USP25: variants seen among roughly 807,000 people sequenced by gnomAD.
The protein encoded by USP25 is ubiquitin specific peptidase 25.
USP25 carries 85 observed loss-of-function variants against 158.5 expected under a neutral mutation model. The ratio of observed to expected loss-of-function variants is 0.54; its 90% CI spans 0.45 to 0.64. USP25 has a LOEUF of 0.64. USP25 is among the 30% of genes least tolerant of loss of function. The pLI is 0.00. For missense variants in USP25, 1,242 were observed against 1,327.3 expected, an observed-to-expected ratio of 0.94 and a Z score of 1.00; for synonymous variants, 464 against 460.4, an observed-to-expected ratio of 1.01 and a Z score of -0.10.
chr21:15,848,334 C>G (rs180771414), intron 19 of USP25, among the ~76,000 whole-genome samples: 24 of 152,180 alleles, frequency 1.6e-4, no homozygotes, highest in Admixed American at 1.4e-3. Flanking sequence ...TTCTCATTTA[C>G]TTAGTTTTCC....
Position 15,777,954 on chromosome 21 carries a change from G to T in USP25, c.319G>T (p.Ala107Ser), listed in dbSNP as rs768916086. ...DDKDDLQRAI[A>S]LSLAESNRAF... Reference sequence around the variant, plus strand: ...TAAAGATGATCTTCAGAGAGCAATTGCCTTGAGTTTGGCCGAATCAAACAG... The same window carrying T: ...TAAAGATGATCTTCAGAGAGCAATTTCCTTGAGTTTGGCCGAATCAAACAG... The change falls in exon 4 of 26, where the codon GCC becomes TCC. Residue 107 changes from alanine (A) to serine (S), a missense_variant. Around this residue, in one of 3 missense-constraint regions of USP25, gnomAD observed 627 missense variants for 701.4 expected, o/e 0.89. Transcript: ENST00000400183. 1.9e-6 allele frequency: 3 copies of T among 1,612,146 alleles called. No individual in the cohort carries two copies. The highest frequency in any genetic ancestry group is 2.5e-6 in the Non-Finnish European group (3 of 1,179,248).
intron 17 of USP25, 61 bp from the exon 18 acceptor site, chr21:15,842,337 T>A: frequency 6.6e-7 from 1 of 1,506,384 alleles, no homozygotes. Context: ...AATAAAAGAT[T>A]TATCTTAGTA....
intron 9 of USP25, among the ~76,000 whole-genome samples, chr21:15,811,897 C>CT (rs1281354951): frequency 1.3e-5 from 2 of 152,060 alleles, no homozygotes; most frequent in African/African-American, 2.4e-5. Flanking sequence ...TGAAAGTTAT[C>CT]TTTTTCCAGA....
At chr21:15,796,881 T>G (rs868748001) in intron 5 of USP25, among the ~76,000 whole-genome samples, 9 of 151,490 alleles carry the variant, frequency 5.9e-5, no homozygotes, top group African/African-American at 2.2e-4. Flanking sequence ...GAAACTGGAA[T>G]ACTTGTCTGC....
At chr21:15,732,793 T>A (rs1037086389) in intron 1 of USP25, among the ~76,000 whole-genome samples, 1 of 152,172 alleles carries the variant, frequency 6.6e-6, no homozygotes, top group African/African-American at 2.4e-5. Context: ...CTTTCATGAT[T>A]TTTTGGTTCG....
chr21:15,878,544 G>T lies in USP25; in HGVS notation c.*69G>T. ...TCTTAACCCTTGCCTTCCTGTCACA[G>T]GGTTTGCTTGTTGCTGCTATAGTTT... On this transcript the variant is annotated 3_prime_UTR_variant, in exon 26 of 26. Coordinates refer to ENST00000400183, the MANE Select transcript of USP25 (RefSeq NM_001283041.3). 2 of 1,488,408 alleles carry T rather than the reference G, an allele frequency of 1.3e-6. No individual in the cohort carries two copies. The highest frequency in any genetic ancestry group is 2.3e-5 in the Admixed American group (1 of 42,966). The allele number at this position is 1,488,408 out of a possible 1,614,324, so 92.2% of individuals were successfully genotyped here.
chr21:15,818,129 A>G (rs977151918), intron 9 of USP25, among the ~76,000 whole-genome samples: 4 of 152,084 alleles, frequency 2.6e-5, no homozygotes, highest in African/African-American at 7.2e-5. Context: ...TGGCATGGCT[A>G]ACTCCCACTC....
In USP25 at chr21:15,791,044, C is replaced by CT. The variant is rs1008260601; in HGVS notation, c.393-449dup. On this transcript the variant is annotated intron_variant, in intron 4 of 25. Coordinates refer to ENST00000400183, the MANE Select transcript of USP25 (RefSeq NM_001283041.3). ...GAATCATAAAGTTTAACTCACTGAA[C>CT]TTTTTTTTTGTAGAAGAAGAACTAA... Among the ~76,000 whole-genome samples, 7 of 150,890 alleles carry CT rather than the reference C, an allele frequency of 4.6e-5. No homozygotes were observed. The East Asian group carries it at 5.8e-4, about 13-fold the overall frequency.
Position 15,762,981 on chromosome 21 carries a change from T to C in USP25, c.123+13T>C. Reference sequence around the variant, plus strand: ...GCAAGCCTTGAAGGTATGGCCTCTGTTTTATGATATACAGTTTGTGGTATA... The same window carrying C: ...GCAAGCCTTGAAGGTATGGCCTCTGCTTTATGATATACAGTTTGTGGTATA... On this transcript the variant is annotated intron_variant, in intron 2 of 25. Transcript: ENST00000400183. The C allele has an allele frequency of 6.2e-7, 1 of 1,605,870 alleles. No homozygotes were observed. The highest frequency in any genetic ancestry group is 8.5e-7 in the Non-Finnish European group (1 of 1,176,370).
In USP25 at chr21:15,877,992, G is replaced by A. The variant is rs1409935481; in HGVS notation, c.3205+1G>A. On this transcript the variant is annotated splice_donor_variant, in intron 25 of 25. Coordinates refer to ENST00000400183, the MANE Select transcript of USP25 (RefSeq NM_001283041.3). LOFTEE classifies it high-confidence loss of function. ...TCCTACCTTGGTCAAGAAATGGAAC[G>A]TAAGTTTAAACAATGGTAGTAGGCA... The A allele has an allele frequency of 2.5e-6, 4 of 1,606,514 alleles. No homozygotes were observed. The highest frequency in any genetic ancestry group is 3.4e-6 in the Non-Finnish European group (4 of 1,176,344).
intron 17 of USP25, among the ~76,000 whole-genome samples, chr21:15,838,998 C>T (rs935905008): frequency 3.9e-5 from 6 of 152,008 alleles, no homozygotes; most frequent in South Asian, 2.1e-4. Flanking sequence ...GAAGCATGGC[C>T]GGAAAATCAC....
chr21:15,745,595 C>T (rs1416775901), intron 1 of USP25, among the ~76,000 whole-genome samples: 2 of 151,574 alleles, frequency 1.3e-5, no homozygotes, highest in East Asian at 3.9e-4. Flanking sequence ...TCTGCCTCAG[C>T]CTCCTGAGTA....
chr21:15,763,726 A>G (rs1280580397), intron 2 of USP25, among the ~76,000 whole-genome samples: 1 of 152,130 alleles, frequency 6.6e-6, no homozygotes, highest in African/African-American at 2.4e-5. Flanking sequence ...AGAGTTCTTT[A>G]TTTGTTTTTA....
At position 15,826,035 on chromosome 21, in the gene USP25, A is replaced by G. The variant is rs2037484625; in HGVS notation, c.1305-169A>G. On this transcript the variant is annotated intron_variant, in intron 12 of 25. Coordinates refer to ENST00000400183, the MANE Select transcript of USP25 (RefSeq NM_001283041.3). The surrounding 1 kb of genome is among the most constrained non-coding windows in gnomAD (Gnocchi z 4.8). ...GTTTCCTGTCTTTGGGGAACTTTTAATGTTTTTCTTAAGTGTATATTCAGT... is the reference window on the plus strand; with the variant it reads ...GTTTCCTGTCTTTGGGGAACTTTTAGTGTTTTTCTTAAGTGTATATTCAGT... 6.6e-6 allele frequency among the ~76,000 whole-genome samples: 1 copy of G among 152,120 alleles called. No individual in the cohort carries two copies. Among genetic ancestry groups the G allele is most frequent in the African/African-American group, 2.4e-5 (1 of 41,422 alleles).
chr21:15,755,462 T>A (rs1484001029), intron 1 of USP25, among the ~76,000 whole-genome samples: 4 of 152,242 alleles, frequency 2.6e-5, no homozygotes, highest in African/African-American at 7.2e-5. Context: ...TCATTTTTTA[T>A]TGAATCTTTA....
At chr21:15,823,311 A>G (rs1382750119) in intron 10 of USP25, among the ~76,000 whole-genome samples, 8 of 151,448 alleles carry the variant, frequency 5.3e-5, no homozygotes, top group Admixed American at 5.3e-4. Flanking sequence ...AAAATGTTGA[A>G]TTTCATGCTT....
chr21:15,752,936 G>C (rs9982479), intron 1 of USP25, among the ~76,000 whole-genome samples: 35,333 of 152,128 alleles, frequency 0.23, 5,570 homozygotes, highest in African/African-American at 0.45. Flanking sequence ...TTTGTTACCC[G>C]CCAAAAACTT....
intron 6 of USP25, among the ~76,000 whole-genome samples, chr21:15,803,848 CTT>C (rs982901972): frequency 2.0e-5 from 3 of 151,766 alleles, no homozygotes; most frequent in East Asian, 1.9e-4. Context: ...TCTCAGGACT[CTT>C]TTTTGGAATC....
intron 22 of USP25, among the ~76,000 whole-genome samples, chr21:15,868,454 T>C (rs1203446772): frequency 6.6e-6 from 1 of 152,222 alleles, no homozygotes; most frequent in African/African-American, 2.4e-5. Context: ...TCTGCAATGC[T>C]TCCTTCAGTT....
Sources: allele counts gnomAD v4.1 joint callset (sites outside exome capture counted in the v4.1 genomes callset), GRCh38; gene constraint gnomAD v4.1.1; regional missense constraint gnomAD v4.1.1; non-coding constraint Gnocchi (gnomAD v3.1); transcripts MANE v1.5; gene names NCBI Gene and HGNC (gene_info 2026-07-23, HGNC 2026-07-21).